Variants in REV3L observed in about 807,000 individuals in gnomAD.
REV3L encodes DNA polymerase zeta catalytic subunit.
Under a neutral mutation model 299.4 loss-of-function variants are expected in REV3L, and 69 were observed. The ratio of observed to expected loss-of-function variants is 0.23; its 90% CI spans 0.19 to 0.28. The LOEUF (loss-of-function observed/expected upper bound fraction) is 0.28, where lower values mean the gene tolerates loss of function less well. Ranked by LOEUF, REV3L falls within the 10% of genes least tolerant of loss-of-function variation. The pLI is 1.00. For synonymous variants in REV3L, 1,238 were observed against 1,271.4 expected (o/e 0.97, Z 0.56); for missense variants, 3,128 against 3,693.8 (o/e 0.85, Z 3.97).
chr6:111,466,256 A>G (rs1245337347), intron 1 of REV3L, among the ~76,000 whole-genome samples: 1 of 152,246 alleles, frequency 6.6e-6, no homozygotes, highest in African/African-American at 2.4e-5. Context: ...TAAAAGACTT[A>G]TCGGTCATGA....
intron 9 of REV3L, among the ~76,000 whole-genome samples, chr6:111,382,375 G>T (rs1422537166): frequency 6.6e-6 from 1 of 152,200 alleles, no homozygotes; most frequent in Non-Finnish European, 1.5e-5. Context: ...TGGTCTTGAG[G>T]CACGGAGAGA....
chr6:111,305,348 T>G (rs1416713460), intron 31 of REV3L, among the ~76,000 whole-genome samples: 1 of 152,028 alleles, frequency 6.6e-6, no homozygotes, highest in East Asian at 1.9e-4. Context: ...TCCCAGCCCT[T>G]AGGCAGCTGA....
At chr6:111,368,137 G>T in intron 13 of REV3L, 109 bp from the exon 14 acceptor site, 1 of 903,846 alleles carries the variant, frequency 1.1e-6, no homozygotes, top group Non-Finnish European at 1.6e-6. Context: ...AAATGTCCAT[G>T]TCTATCTTCC....
intron 1 of REV3L, among the ~76,000 whole-genome samples, chr6:111,470,693 A>G (rs565133690): frequency 6.6e-6 from 1 of 152,350 alleles, no homozygotes; most frequent in Admixed American, 6.5e-5. Context: ...ATTAAAAGAC[A>G]TGCCGGGGTG....
At position 111,381,456 on chromosome 6, in the gene REV3L, AAAG is replaced by A. The variant is rs1410115326; in HGVS notation, c.1097-15_1097-13del. Reference sequence around the variant, plus strand: ...GTGTCTAGTGTGACCTTAATTTGACAAAGAATAAAAAAAATTGAAGCAATGGCC... The same window carrying A: ...GTGTCTAGTGTGACCTTAATTTGACAAATAAAAAAAATTGAAGCAATGGCC... On this transcript the variant is annotated splice_polypyrimidine_tract_variant and intron_variant, in intron 9 of 31. Transcript: ENST00000368802. 2 of 1,587,312 alleles carry A rather than the reference AAAG, an allele frequency of 1.3e-6. No homozygotes were observed. Among genetic ancestry groups the A allele is most frequent in the Non-Finnish European group, 1.7e-6 (2 of 1,171,336 alleles).
intron 17 of REV3L, 148 bp from the exon 18 acceptor site, chr6:111,357,273 T>C: frequency 3.1e-6 from 1 of 326,770 alleles, no homozygotes; most frequent in Non-Finnish European, 5.4e-6. Context: ...AGTGAAAACA[T>C]AACTAACTCA....
At position 111,300,002 on chromosome 6, in the gene REV3L, G is replaced by A. The variant is rs1441910971; in HGVS notation, c.*14C>T. The A allele has an allele frequency of 1.2e-5, 19 of 1,608,496 alleles. No homozygotes were observed. Among genetic ancestry groups the A allele is most frequent in the Middle Eastern group, 1.7e-4 (1 of 6,054 alleles). On this transcript the variant is annotated 3_prime_UTR_variant, in exon 32 of 32. Coordinates refer to ENST00000368802, the MANE Select transcript of REV3L (RefSeq NM_001372078.1). ...TGAAAAAAATAGCACCTGTAATACT[G>A]TGATATTGACAATTTAAAACTGGTC...
intron 1 of REV3L, chr6:111,431,041 T>C: frequency 1.4e-6 from 2 of 1,472,864 alleles, no homozygotes; most frequent in Non-Finnish European, 1.9e-6. Context: ...TTATGGGCCC[T>C]ACAGTTCTTA....
At chr6:111,364,433 A>C (rs1779004608) in intron 15 of REV3L, among the ~76,000 whole-genome samples, 1 of 152,028 alleles carries the variant, frequency 6.6e-6, no homozygotes, top group Non-Finnish European at 1.5e-5. Flanking sequence ...AAACAATGTA[A>C]TCTTCAAAGA....
chr6:111,349,780 G>C (rs1777410446), intron 19 of REV3L, among the ~76,000 whole-genome samples: 1 of 152,128 alleles, frequency 6.6e-6, no homozygotes, highest in Non-Finnish European at 1.5e-5. Context: ...AAGATCCACA[G>C]TTAATCTGGT....
intron 1 of REV3L, among the ~76,000 whole-genome samples, chr6:111,481,669 G>A (rs1793673158): frequency 6.6e-6 from 1 of 152,060 alleles, no homozygotes; most frequent in African/African-American, 2.4e-5. Flanking sequence ...AATCCCATAG[G>A]GCAATTCATA....
rs181350776 is a variant in REV3L, at chr6:111,362,732, G to A, written c.6879+1121C>T. ...CCTTCTAGTATATCTCACTGTGCAC[G>A]CTAAATTTTCTACAGAAATACTTGA... On this transcript the variant is annotated intron_variant, in intron 16 of 31. Coordinates refer to ENST00000368802, the MANE Select transcript of REV3L (RefSeq NM_001372078.1). 5.3e-5 allele frequency among the ~76,000 whole-genome samples: 8 copies of A among 152,062 alleles called. No individual in the cohort carries two copies. In the East Asian group the frequency reaches 5.8e-4, roughly 11 times the overall value.
intron 13 of REV3L, among the ~76,000 whole-genome samples, chr6:111,371,125 T>C (rs747522385): frequency 6.6e-6 from 1 of 152,128 alleles, no homozygotes; most frequent in Non-Finnish European, 1.5e-5. Flanking sequence ...TGCTTCTGAA[T>C]GGATGGCTGA....
chr6:111,414,161 T>C (rs1159275133), intron 2 of REV3L, among the ~76,000 whole-genome samples: 1 of 151,954 alleles, frequency 6.6e-6, no homozygotes, highest in African/African-American at 2.4e-5. Flanking sequence ...AGAAAACAAA[T>C]AATGGGCTGA....
intron 1 of REV3L, among the ~76,000 whole-genome samples, chr6:111,459,901 GCAATCC>G (rs1330272123): frequency 1.3e-5 from 2 of 152,038 alleles, no homozygotes; most frequent in Non-Finnish European, 2.9e-5. Context: ...ATTTAACCTA[GCAATCC>G]CATTACTGGG....
chr6:111,299,088 C>CAAA lies in REV3L; in HGVS notation c.*925_*927dup, dbSNP rs764882820. On this transcript the variant is annotated 3_prime_UTR_variant, in exon 32 of 32. Transcript: ENST00000368802. ...TGGTTTCCATTATTAACTTTTAAAA[C>CAAA]AAAATGATTTCCAGTTTAAAAAACA... is the stretch of plus-strand genomic sequence containing the variant. The CAAA allele has an allele frequency of 6.6e-6, 1 of 152,284 alleles. No homozygotes were observed. The highest frequency in any genetic ancestry group is 1.5e-5 in the Non-Finnish European group (1 of 67,928). 9.4% of individuals were successfully genotyped at this position (152,284 alleles called of 1,614,324 possible).
At chr6:111,333,499 T>C in intron 22 of REV3L, 132 bp from the exon 23 acceptor site, 2 of 1,153,220 alleles carry the variant, frequency 1.7e-6, no homozygotes, top group South Asian at 1.6e-5. Flanking sequence ...TTTGAGACAG[T>C]GTTTCGCTCT....
Position 111,299,988 on chromosome 6 carries a change from G to T in REV3L, c.*28C>A. 6.3e-7 allele frequency: 1 copy of T among 1,591,806 alleles called. No homozygotes were observed. Among genetic ancestry groups the T allele is most frequent in the East Asian group, 2.3e-5 (1 of 44,408 alleles). ...TTAGTGGTAAGCACTGAAAAAAATA[G>T]CACCTGTAATACTGTGATATTGACA... On this transcript the variant is annotated 3_prime_UTR_variant, in exon 32 of 32. Transcript: ENST00000368802.
At chr6:111,444,725 G>T (rs892969066) in intron 1 of REV3L, among the ~76,000 whole-genome samples, 2 of 152,088 alleles carry the variant, frequency 1.3e-5, no homozygotes, top group Non-Finnish European at 2.9e-5. Flanking sequence ...AATGCCTAAC[G>T]GGTTAGTTGC....
Sources: allele counts gnomAD v4.1 joint callset (sites outside exome capture counted in the v4.1 genomes callset), GRCh38; gene constraint gnomAD v4.1.1; transcripts MANE v1.5; gene names NCBI Gene and HGNC (gene_info 2026-07-23, HGNC 2026-07-21).